Variants in DOCK3 observed in about 807,000 individuals in gnomAD.
DOCK3 encodes the protein dedicator of cytokinesis protein 3.
In DOCK3, 60 loss-of-function variants were observed where a neutral mutation model predicts 265.6. The observed-to-expected ratio is 0.23, with a 90% CI of 0.18 to 0.28. The LOEUF is 0.28. Among genes scored for constraint, DOCK3 ranks in the 10% least tolerant of loss-of-function variants. DOCK3 has a pLI of 1.00. For missense variants in DOCK3, 1,981 were observed against 2,594.3 expected (o/e 0.76, Z 5.14); for synonymous variants, 881 against 938.0 (o/e 0.94, Z 1.11).
intron 40 of DOCK3, among the ~76,000 whole-genome samples, chr3:51,352,972 T>G (rs558588893): frequency 1.4e-4 from 21 of 152,336 alleles, no homozygotes; most frequent in Middle Eastern, 3.4e-3. Context: ...TCTATCAGCT[T>G]GGTTTCTCTG....
At chr3:51,049,569 AG>A (rs1170462636) in intron 5 of DOCK3, among the ~76,000 whole-genome samples, 1 of 152,096 alleles carries the variant, frequency 6.6e-6, no homozygotes, top group Non-Finnish European at 1.5e-5. Flanking sequence ...ATATGGGGTT[AG>A]GTGTGGAATT....
chr3:50,967,281 G>A (rs1025661361), intron 5 of DOCK3, among the ~76,000 whole-genome samples: 1 of 152,050 alleles, frequency 6.6e-6, no homozygotes, highest in East Asian at 1.9e-4. Flanking sequence ...TTGTCATTCT[G>A]TGCCTGGTGT....
intron 15 of DOCK3, among the ~76,000 whole-genome samples, chr3:51,226,499 G>A (rs1471099040): frequency 6.6e-6 from 1 of 152,200 alleles, no homozygotes; most frequent in Non-Finnish European, 1.5e-5. Flanking sequence ...GGTAAAATTA[G>A]TCAAAATCAT....
At chr3:51,091,086 A>G (rs1416625049) in intron 9 of DOCK3, among the ~76,000 whole-genome samples, 1 of 152,236 alleles carries the variant, frequency 6.6e-6, no homozygotes, top group East Asian at 1.9e-4. Flanking sequence ...TAGGAATAAA[A>G]TGATGCACCC....
At chr3:50,968,552 A>ATTTTTTT in intron 5 of DOCK3, among the ~76,000 whole-genome samples, 1 of 135,534 alleles carries the variant, frequency 7.4e-6, no homozygotes. Context: ...CTATGATTTC[A>ATTTTTTT]ATTTTTTTTT....
At chr3:51,125,719 A>T (rs1576166227) in intron 9 of DOCK3, among the ~76,000 whole-genome samples, 2 of 152,346 alleles carry the variant, frequency 1.3e-5, no homozygotes, top group East Asian at 3.9e-4. Context: ...TATAAAAAAA[A>T]CTTAAATACT....
At position 51,110,634 on chromosome 3, in the gene DOCK3, C is replaced by A. The variant is rs543002578; in HGVS notation, c.746+20250C>A. ...GGAAAAGGCTTTCAAAAAAATTCAA[C>A]ATTTCTTCATGTTAAAAACTCTCAA... On this transcript the variant is annotated intron_variant, in intron 9 of 52. Transcript: ENST00000266037. Among the ~76,000 whole-genome samples, 8 of 152,286 alleles carry A rather than the reference C, an allele frequency of 5.3e-5. No individual in the cohort carries two copies. In the South Asian group the frequency reaches 1.7e-3, roughly 32 times the overall value.
intron 2 of DOCK3, among the ~76,000 whole-genome samples, chr3:50,820,080 A>T (rs2044318417): frequency 6.6e-6 from 1 of 152,248 alleles, no homozygotes; most frequent in Non-Finnish European, 1.5e-5. Flanking sequence ...CAAAAAACTC[A>T]TGAATAATCC....
Position 50,942,800 on chromosome 3 carries a change from T to C in DOCK3, c.315+8723T>C, listed in dbSNP as rs150912822. On this transcript the variant is annotated intron_variant, in intron 5 of 52. Transcript: ENST00000266037. ...AAATAACTTTCATATGTTAGTCTAC[T>C]TTTTCAACTACAAATTTTTTGAAAT... Among the ~76,000 whole-genome samples the C allele has an allele frequency of 3.3e-5, 5 of 152,164 alleles. No individual in the cohort carries two copies. The East Asian group carries it at 9.6e-4, about 29-fold the overall frequency.
chr3:51,178,016 A>AC (rs2087057428), intron 12 of DOCK3, among the ~76,000 whole-genome samples: 1 of 111,758 alleles, frequency 8.9e-6, no homozygotes, highest in Non-Finnish European at 1.7e-5. Context: ...AACAAAAAAA[A>AC]ACTCAAAATA....
chr3:51,224,415 T>C (rs2090238217), intron 14 of DOCK3, among the ~76,000 whole-genome samples: 1 of 152,202 alleles, frequency 6.6e-6, no homozygotes, highest in South Asian at 2.1e-4. Flanking sequence ...CTCAGATGCT[T>C]CCATTATTAG....
chr3:50,738,505 TG>T, intron 1 of DOCK3, among the ~76,000 whole-genome samples: 1 of 152,220 alleles, frequency 6.6e-6, no homozygotes, highest in Non-Finnish European at 1.5e-5. Context: ...CTGTGTTTTG[TG>T]GATTTCAATG....
intron 5 of DOCK3, among the ~76,000 whole-genome samples, chr3:50,942,294 A>G (rs1255108129): frequency 1.3e-5 from 2 of 152,088 alleles, no homozygotes; most frequent in African/African-American, 4.8e-5. Context: ...TTTAAGCTTC[A>G]TAGAAACAAA....
At chr3:50,889,283 T>C (rs1316320143) in intron 3 of DOCK3, among the ~76,000 whole-genome samples, 2 of 151,924 alleles carry the variant, frequency 1.3e-5, no homozygotes, top group African/African-American at 4.8e-5. Flanking sequence ...AGGATCTTGC[T>C]ATGTTGCCCA....
chr3:51,200,840 A>G (rs929070597), intron 12 of DOCK3, among the ~76,000 whole-genome samples: 7 of 152,196 alleles, frequency 4.6e-5, no homozygotes, highest in Admixed American at 1.3e-4. Context: ...CAGAAACTCT[A>G]CAAGCCAGAA....
chr3:51,246,875 T>C, intron 22 of DOCK3, 68 bp downstream of exon 22: 3 of 1,483,068 alleles, frequency 2.0e-6, no homozygotes, highest in East Asian at 2.4e-5. Flanking sequence ...ATCTCAGTGA[T>C]ACAATGTGCA....
At chr3:51,122,316 C>CA (rs1426987818) in intron 9 of DOCK3, among the ~76,000 whole-genome samples, 1 of 152,056 alleles carries the variant, frequency 6.6e-6, no homozygotes, top group Admixed American at 6.6e-5. Context: ...CCGGTTTCTA[C>CA]AAAAAAATTT....
intron 5 of DOCK3, among the ~76,000 whole-genome samples, chr3:51,049,650 C>G (rs755378564): frequency 6.6e-6 from 1 of 151,814 alleles, no homozygotes; most frequent in Admixed American, 6.6e-5. Context: ...TTTGGATTAG[C>G]GATGCTCAAC....
chr3:50,742,845 A>C (rs927616801), intron 1 of DOCK3, among the ~76,000 whole-genome samples: 52 of 152,304 alleles, frequency 3.4e-4, no homozygotes, highest in African/African-American at 1.2e-3. Context: ...AATACAGAGA[A>C]CACCACAAAG....
Sources: allele counts gnomAD v4.1 joint callset (sites outside exome capture counted in the v4.1 genomes callset), GRCh38; gene constraint gnomAD v4.1.1; transcripts MANE v1.5; gene names NCBI Gene and HGNC (gene_info 2026-07-23, HGNC 2026-07-21).